MMUT: variants seen among roughly 807,000 people sequenced by gnomAD.
MMUT encodes methylmalonyl-CoA mutase, mitochondrial.
Under a neutral mutation model 79.9 loss-of-function variants are expected in MMUT, and 79 were observed. The observed-to-expected ratio is 0.99, with a 90% CI of 0.82 to 1.19. The LOEUF is 1.19. MMUT is among the 50% of genes most tolerant of loss of function. The pLI is 0.00. For missense variants in MMUT, 860 were observed against 917.2 expected, an observed-to-expected ratio of 0.94 and a Z score of 0.81; for synonymous variants, 273 against 295.7, an observed-to-expected ratio of 0.92 and a Z score of 0.79.
intron 9 of MMUT, chr6:49,443,857 CT>C: frequency 3.5e-5 from 14 of 398,540 alleles, no homozygotes; most frequent in East Asian, 8.3e-5. Context: ...TTCACTCAGC[CT>C]TTTTTAAATG....
chr6:49,458,804 C>A (rs1767759361), intron 2 of MMUT, among the ~76,000 whole-genome samples: 1 of 152,176 alleles, frequency 6.6e-6, no homozygotes, highest in African/African-American at 2.4e-5. Context: ...TTTTCGAAGG[C>A]AAAGCTAATG....
In MMUT at chr6:49,431,758, C is replaced by G; in HGVS notation, c.2223G>C (p.Lys741Asn). 2 of 1,613,918 alleles carry G rather than the reference C, an allele frequency of 1.2e-6. No homozygotes were observed. The highest frequency in any genetic ancestry group is 1.7e-6 in the Non-Finnish European group (2 of 1,179,892). Residue 741 changes from lysine to asparagine, a missense_variant, in exon 13 of 13, where the codon AAG becomes AAC. Lys to Asn is a moderately conservative substitution (Grantham distance 94). Coordinates refer to ENST00000274813, the MANE Select transcript of MMUT (RefSeq NM_000255.4). ...CAGATTGCTGCTTCTTTTCCAAACA[C>G]TTCTCAATATCATCAAGCACCTGAA... The part of the protein sequence containing the change: ...AAVQVLDDIE[K>N]CLEKKQQSV
chr6:49,444,795 G>C lies in MMUT; in HGVS notation c.1561-41C>G, dbSNP rs202102006. Reference sequence around the variant, plus strand: ...AGGAAAGGGACAATTTACATGAAGAGAGAATAAAACAGAGATCAAGAGATT... The same window carrying C: ...AGGAAAGGGACAATTTACATGAAGACAGAATAAAACAGAGATCAAGAGATT... On this transcript the variant is annotated intron_variant, in intron 8 of 12. Coordinates refer to ENST00000274813, the MANE Select transcript of MMUT (RefSeq NM_000255.4). 633 of 1,497,930 alleles carry C rather than the reference G, an allele frequency of 4.2e-4. 6 individuals are homozygous for C. The highest frequency in any genetic ancestry group is 6.9e-5 in the Non-Finnish European group (74 of 1,074,880). 92.8% of individuals were successfully genotyped at this position (1,497,930 alleles called of 1,614,324 possible).
intron 12 of MMUT, among the ~76,000 whole-genome samples, chr6:49,432,522 T>G (rs918170053): frequency 4.6e-5 from 7 of 151,992 alleles, no homozygotes; most frequent in Admixed American, 1.3e-4. Flanking sequence ...CAAGTAGCTG[T>G]GGCTACAGGC....
At position 49,443,399 on chromosome 6, in the gene MMUT, C is replaced by T. The variant is rs567849244; in HGVS notation, c.1676+1240G>A. 4.6e-5 allele frequency among the ~76,000 whole-genome samples: 7 copies of T among 152,234 alleles called. No homozygotes were observed. The South Asian group carries it at 8.3e-4, about 18-fold the overall frequency. On this transcript the variant is annotated intron_variant, in intron 9 of 12. Coordinates refer to ENST00000274813, the MANE Select transcript of MMUT (RefSeq NM_000255.4). Reference sequence around the variant, plus strand: ...CAATGCACTGTACATGAGGTATCATCTAGCAGTCCTTTTCACATCACTCAC... The same window carrying T: ...CAATGCACTGTACATGAGGTATCATTTAGCAGTCCTTTTCACATCACTCAC...
chr6:49,447,820 A>AGG, intron 7 of MMUT, 35 bp from the exon 8 acceptor site: 1 of 1,127,210 alleles, frequency 8.9e-7, no homozygotes, highest in Non-Finnish European at 1.4e-6. Context: ...TTATTCACAA[A>AGG]TAATTACCTA....
At chr6:49,453,808 C>A in intron 4 of MMUT, 52 bp from the exon 5 acceptor site, 1 of 1,470,350 alleles carries the variant, frequency 6.8e-7, no homozygotes, top group South Asian at 1.1e-5. Context: ...CAATATAGAG[C>A]AGAAAATAAA....
Position 49,459,425 on chromosome 6 carries a change from A to T in MMUT, c.42T>A (p.His14Gln), listed in dbSNP as rs1767781874. The stretch of plus-strand genomic sequence containing the variant: ...ATGATTCTTTTACCTGCCTCAGGTA[A>T]TGAGGTGAAAGTAAAAAAAGCTGAT... ...AKNQLFLLSP[H>Q]YLRQVKESSG... The change falls in exon 2 of 13, where the codon CAT (histidine) becomes CAA (glutamine). Residue 14 changes from histidine (H) to glutamine (Q), a missense_variant. His to Gln is a conservative substitution (Grantham distance 24, BLOSUM62 0). Coordinates refer to ENST00000274813, the MANE Select transcript of MMUT (RefSeq NM_000255.4). 1 of 1,613,460 alleles carries T rather than the reference A, an allele frequency of 6.2e-7. No individual in the cohort carries two copies. The highest frequency in any genetic ancestry group is 8.5e-7 in the Non-Finnish European group (1 of 1,179,986).
chr6:49,458,460 A>G (rs1016155608), intron 2 of MMUT, among the ~76,000 whole-genome samples: 2 of 152,216 alleles, frequency 1.3e-5, no homozygotes. Flanking sequence ...TTTATCTAAT[A>G]TGGTCACAAA....
intron 9 of MMUT, among the ~76,000 whole-genome samples, chr6:49,442,585 C>T (rs964540666): frequency 1.1e-4 from 16 of 151,908 alleles, no homozygotes; most frequent in African/African-American, 3.1e-4. Context: ...CACTAAACCA[C>T]GCAAAGATGG....
At chr6:49,435,874 T>C (rs1298492062) in intron 11 of MMUT, among the ~76,000 whole-genome samples, 1 of 152,136 alleles carries the variant, frequency 6.6e-6, no homozygotes, top group African/African-American at 2.4e-5. Context: ...GGAGAAAACT[T>C]TTGCAAACTG....
At position 49,457,766 on chromosome 6, in the gene MMUT, C is replaced by A. The variant is rs772048660; in HGVS notation, c.678G>T (p.Met226Ile). The A allele has an allele frequency of 6.2e-7, 1 of 1,612,322 alleles. No homozygotes were observed. Residue 226 changes from methionine (M) to isoleucine (I), a missense_variant, in exon 3 of 13, where the codon ATG becomes ATT. By Grantham distance (10) the Met-to-Ile change is conservative. Coordinates refer to ENST00000274813, the MANE Select transcript of MMUT (RefSeq NM_000255.4). Reference sequence around the variant, plus strand: ...GAGGAAAAATGTATGTATTTCGAACCATAAATTCCTTTAGTATATCATTTT... The same window carrying A: ...GAGGAAAAATGTATGTATTTCGAACAATAAATTCCTTTAGTATATCATTTT... ...TIQNDILKEFMVRNTYIFPPE... is the reference protein window; with the variant it reads ...TIQNDILKEFIVRNTYIFPPE...
rs1348134520 is a variant in MMUT at position 49,451,696 on chromosome 6, C to G, written c.1102G>C (p.Val368Leu). The part of the protein sequence containing the change: ...LTEQDPYNNI[V>L]RTAIEAMAAV... ...GCCATTGCTTCTATTGCAGTACGGACAATATTATTGTAGGGATCCTAAAAT... is the reference window on the plus strand; with the variant it reads ...GCCATTGCTTCTATTGCAGTACGGAGAATATTATTGTAGGGATCCTAAAAT... The change falls in exon 6 of 13, where the codon GTC (valine) becomes CTC (leucine). Residue 368 changes from valine to leucine, a missense_variant. Val to Leu is a conservative substitution (Grantham distance 32). Transcript: ENST00000274813. 1 of 1,613,548 alleles carries G rather than the reference C, an allele frequency of 6.2e-7. No homozygotes were observed. The highest frequency in any genetic ancestry group is 1.3e-5 in the African/African-American group (1 of 74,858).
intron 4 of MMUT, among the ~76,000 whole-genome samples, chr6:49,455,159 CATT>C (rs1351680084): frequency 2.6e-5 from 4 of 151,802 alleles, no homozygotes; most frequent in Non-Finnish European, 5.9e-5. Context: ...ATAAAAGCAT[CATT>C]GTTTTACATT....
At chr6:49,458,471 G>A (rs1401486927) in intron 2 of MMUT, among the ~76,000 whole-genome samples, 1 of 152,094 alleles carries the variant, frequency 6.6e-6, no homozygotes, top group East Asian at 1.9e-4. Context: ...TGGTCACAAA[G>A]GATTCCTGGC....
In MMUT at chr6:49,453,807, G is replaced by A. The variant is rs755085546; in HGVS notation, c.912-51C>T. ...ATTTAATTAAAGTTAACAATATAGAGCAGAAAATAAAACTAATTGTATCAC... is the reference window on the plus strand; with the variant it reads ...ATTTAATTAAAGTTAACAATATAGAACAGAAAATAAAACTAATTGTATCAC... On this transcript the variant is annotated intron_variant, in intron 4 of 12. Coordinates refer to ENST00000274813, the MANE Select transcript of MMUT (RefSeq NM_000255.4). 4 of 1,470,348 alleles carry A rather than the reference G, an allele frequency of 2.7e-6. No homozygotes were observed. In the African/African-American group the frequency reaches 5.6e-5, roughly 21 times the overall value. 91.1% of individuals were successfully genotyped at this position (1,470,348 alleles called of 1,614,324 possible). A position where few individuals can be genotyped will look rare whatever the true frequency, so the allele number is the denominator to read the frequency against.
chr6:49,435,924 CTT>C (rs1767112196), intron 11 of MMUT, among the ~76,000 whole-genome samples: 1 of 152,116 alleles, frequency 6.6e-6, no homozygotes. Context: ...CTATAAAAAA[CTT>C]AAACAAATTT....
intron 1 of MMUT, among the ~76,000 whole-genome samples, chr6:49,460,166 T>C (rs1346831341): frequency 6.6e-6 from 1 of 152,204 alleles, no homozygotes; most frequent in African/African-American, 2.4e-5. Flanking sequence ...AGCTAAGGCA[T>C]TATCTCCAAT....
rs184511417 is a variant in MMUT, at chr6:49,445,512, C to T, written c.1561-758G>A. ...GAGTGATTGGTTTCATGACCCACTG[C>T]CCACCCTATCCACAGATAGCAAAAT... On this transcript the variant is annotated intron_variant, in intron 8 of 12. Transcript: ENST00000274813. 2.7e-3 allele frequency among the ~76,000 whole-genome samples: 406 copies of T among 152,086 alleles called. 3 individuals carry two copies. Among genetic ancestry groups the T allele is most frequent in the African/African-American group, 9.4e-3 (392 of 41,514 alleles).
Sources: gnomAD v4.1 joint callset for allele counts (sites outside exome capture counted in the v4.1 genomes callset) on GRCh38, gnomAD v4.1.1 for gene constraint, MANE v1.5 for transcripts, NCBI Gene and HGNC (gene_info 2026-07-23, HGNC 2026-07-21) for gene names.